RNF13: variants seen among roughly 807,000 people sequenced by gnomAD.
The protein encoded by RNF13 is ring finger protein 13, also known as E3 ubiquitin-protein ligase RNF13.
In RNF13, 19 loss-of-function variants were observed where a neutral mutation model predicts 37.7. The observed-to-expected ratio is 0.50, with a 90% CI of 0.35 to 0.74. RNF13 has a LOEUF of 0.74. Among genes scored for constraint, RNF13 ranks in the 30% least tolerant of loss-of-function variants. The probability of loss-of-function intolerance (pLI) is 0.01; values close to 1 mark genes in which losing one functional copy is unlikely to be tolerated. For missense variants in RNF13, 375 were observed against 453.0 expected (o/e 0.83, Z 1.56); for synonymous variants, 144 against 157.8 (o/e 0.91, Z 0.65).
At chr3:149,937,155 T>G (rs1022341827) in intron 8 of RNF13, among the ~76,000 whole-genome samples, 2 of 152,104 alleles carry the variant, frequency 1.3e-5, no homozygotes, top group African/African-American at 4.8e-5. Flanking sequence ...TTTGCTGGAG[T>G]TGCTAGCCCT....
At chr3:149,834,684 C>T (rs1193243994) in intron 1 of RNF13, among the ~76,000 whole-genome samples, 2 of 152,132 alleles carry the variant, frequency 1.3e-5, no homozygotes, top group Non-Finnish European at 2.9e-5. Flanking sequence ...ACTTTCTTCC[C>T]TCTCTCTCAC....
intron 8 of RNF13, among the ~76,000 whole-genome samples, chr3:149,948,885 A>C (rs944422404): frequency 2.0e-5 from 3 of 152,186 alleles, no homozygotes; most frequent in African/African-American, 7.2e-5. Flanking sequence ...AAAATTAGCC[A>C]GGCATGGTGG....
chr3:149,882,452 A>G (rs1713540155), intron 4 of RNF13, among the ~76,000 whole-genome samples: 1 of 152,216 alleles, frequency 6.6e-6, no homozygotes, highest in Non-Finnish European at 1.5e-5. Context: ...ATATACATAA[A>G]CAAAAAAGAT....
intron 2 of RNF13, among the ~76,000 whole-genome samples, chr3:149,847,604 T>A (rs1361889560): frequency 6.6e-6 from 1 of 152,100 alleles, no homozygotes; most frequent in African/African-American, 2.4e-5. Flanking sequence ...TAGGTTTGTT[T>A]TGGGGAATAG....
intron 3 of RNF13, among the ~76,000 whole-genome samples, chr3:149,861,307 G>A (rs1468770930): frequency 6.6e-6 from 1 of 152,014 alleles, no homozygotes; most frequent in Non-Finnish European, 1.5e-5. Context: ...GAAAAGAAGT[G>A]TATCAAAGGG....
chr3:149,877,652 A>T (rs1712901646), intron 4 of RNF13, among the ~76,000 whole-genome samples: 2 of 151,872 alleles, frequency 1.3e-5, no homozygotes, highest in South Asian at 4.1e-4. Context: ...AGTAGATACG[A>T]CCTTAAGTAG....
chr3:149,884,957 C>A (rs1487353701), intron 4 of RNF13, among the ~76,000 whole-genome samples: 3 of 151,880 alleles, frequency 2.0e-5, no homozygotes, highest in Admixed American at 6.6e-5. Context: ...TTTTTAGATC[C>A]CACAAATAAG....
At chr3:149,953,374 C>A (rs1559974871) in intron 8 of RNF13, among the ~76,000 whole-genome samples, 5 of 152,068 alleles carry the variant, frequency 3.3e-5, no homozygotes, top group African/African-American at 1.2e-4. Flanking sequence ...AAATGTTTGA[C>A]CTTCAATTAA....
chr3:149,830,590 C>T (rs1235788796), intron 1 of RNF13, among the ~76,000 whole-genome samples: 1 of 119,742 alleles, frequency 8.4e-6, no homozygotes, highest in Non-Finnish European at 1.7e-5. Context: ...CACAAAAATA[C>T]GGTTTGGAAT....
chr3:149,871,961 T>C, intron 3 of RNF13, 68 bp from the exon 4 acceptor site: 1 of 1,363,000 alleles, frequency 7.3e-7, no homozygotes, highest in Non-Finnish European at 1.0e-6. Context: ...CGAAAAGATA[T>C]TTGTAGAAGT....
At position 149,933,831 on chromosome 3, in the gene RNF13, G is replaced by A. The variant is rs559840731; in HGVS notation, c.700+12604G>A. ...ACTCCTGACCTCAAGTGATCCACCC[G>A]CCTCAGCCTCCCAAAGTGTTAGGAT... On this transcript the variant is annotated intron_variant, in intron 8 of 9. Coordinates refer to ENST00000392894, the MANE Select transcript of RNF13 (RefSeq NM_183381.3). Among the ~76,000 whole-genome samples, 112 of 152,130 alleles carry A rather than the reference G, an allele frequency of 7.4e-4. 1 individual carries two copies. Among genetic ancestry groups the A allele is most frequent in the Non-Finnish European group, 1.2e-3 (79 of 67,972 alleles).
intron 3 of RNF13, among the ~76,000 whole-genome samples, chr3:149,867,927 G>C (rs1291525578): frequency 6.6e-6 from 1 of 151,392 alleles, no homozygotes; most frequent in African/African-American, 2.4e-5. Context: ...TATTTTTAGT[G>C]AATCTGTTAC....
chr3:149,880,554 A>G (rs1713268286), intron 4 of RNF13, among the ~76,000 whole-genome samples: 1 of 152,154 alleles, frequency 6.6e-6, no homozygotes, highest in Non-Finnish European at 1.5e-5. Flanking sequence ...ACAAGTTTTA[A>G]CTTATAGCAA....
chr3:149,815,250 T>A (rs938957455), intron 1 of RNF13, among the ~76,000 whole-genome samples: 9 of 152,148 alleles, frequency 5.9e-5, no homozygotes, highest in African/African-American at 2.2e-4. Flanking sequence ...AGGGATAGAT[T>A]TATGTCTTTG....
chr3:149,870,109 A>G (rs1469451769), intron 3 of RNF13, among the ~76,000 whole-genome samples: 1 of 151,674 alleles, frequency 6.6e-6, no homozygotes, highest in Admixed American at 6.6e-5. Flanking sequence ...TTCCCCTCTT[A>G]GTCTCTATCT....
intron 8 of RNF13, among the ~76,000 whole-genome samples, chr3:149,927,922 A>ATGT (rs1718801012): frequency 6.7e-6 from 1 of 148,254 alleles, no homozygotes; most frequent in South Asian, 2.1e-4. Flanking sequence ...ATGTCCTTTT[A>ATGT]TGTACAGAAG....
At chr3:149,905,944 T>A (rs1439365375) in intron 6 of RNF13, among the ~76,000 whole-genome samples, 2 of 152,218 alleles carry the variant, frequency 1.3e-5, no homozygotes, top group African/African-American at 4.8e-5. Flanking sequence ...TTTTTCAATA[T>A]TCCAAGTAGA....
At chr3:149,952,403 C>T (rs1362075315) in intron 8 of RNF13, among the ~76,000 whole-genome samples, 1 of 151,900 alleles carries the variant, frequency 6.6e-6, no homozygotes, top group Non-Finnish European at 1.5e-5. Context: ...GCCCACTGCC[C>T]CAAGTGTAAC....
chr3:149,941,898 T>TATTTATGTATTTATTC (rs1388443508), intron 8 of RNF13, among the ~76,000 whole-genome samples: 2 of 150,512 alleles, frequency 1.3e-5, no homozygotes, highest in Non-Finnish European at 3.0e-5. Flanking sequence ...AATATTTATT[T>TATTTATGTATTTATTC]ATTTATTTAT....
Sources: allele counts gnomAD v4.1 joint callset (sites outside exome capture counted in the v4.1 genomes callset), GRCh38; gene constraint gnomAD v4.1.1; transcripts MANE v1.5; gene names NCBI Gene and HGNC (gene_info 2026-07-23, HGNC 2026-07-21).